The following TCERG1L variants were observed in gnomAD, a reference collection of about 807,000 sequenced individuals.
TCERG1L encodes the protein transcription elongation regulator 1 like, also known as transcription elongation regulator 1-like protein.
In TCERG1L, 37 loss-of-function variants were observed where a neutral mutation model predicts 56.3. The ratio of observed to expected loss-of-function variants is 0.66; its 90% CI spans 0.51 to 0.87. The LOEUF (loss-of-function observed/expected upper bound fraction) is 0.87, where lower values mean the gene tolerates loss of function less well. Ranked by LOEUF, TCERG1L falls within the 40% of genes least tolerant of loss-of-function variation. TCERG1L has a pLI of 0.00. For missense variants in TCERG1L, 799 were observed against 774.2 expected, an observed-to-expected ratio of 1.03 and a Z score of -0.38; for synonymous variants, 324 against 326.3, an observed-to-expected ratio of 0.99 and a Z score of 0.08.
rs1041935665 is a variant in TCERG1L, at chr10:131,136,043, C to T, written c.1190-1595G>A. 2.0e-5 allele frequency among the ~76,000 whole-genome samples: 3 copies of T among 152,184 alleles called. No individual in the cohort carries two copies. In the East Asian group the frequency reaches 5.8e-4, roughly 29 times the overall value. On this transcript the variant is annotated intron_variant, in intron 7 of 11. Transcript: ENST00000368642. ...CGTCTCTCAGCCTCCTTGATCCCTG[C>T]CCCCTCCCCACCATGCTAACGAAAA...
chr10:131,161,524 C>G (rs1442757485), intron 6 of TCERG1L: 2 of 152,186 alleles, frequency 1.3e-5, no homozygotes, highest in African/African-American at 4.8e-5. Context: ...AGTCCCTGAC[C>G]TGGTAGGAAT....
intron 3 of TCERG1L, among the ~76,000 whole-genome samples, chr10:131,298,657 G>A (rs1328362661): frequency 6.6e-6 from 1 of 152,186 alleles, no homozygotes; most frequent in East Asian, 1.9e-4. Context: ...CAGGTGATCT[G>A]CCCAGCTCGG....
At chr10:131,097,303 TAC>T (rs1197525905) in intron 11 of TCERG1L, among the ~76,000 whole-genome samples, 5 of 152,066 alleles carry the variant, frequency 3.3e-5, no homozygotes, top group East Asian at 3.9e-4. Context: ...TTACGAAACT[TAC>T]AGTTTTATAG....
At chr10:131,171,558 T>C (rs1035222883) in intron 4 of TCERG1L, among the ~76,000 whole-genome samples, 6 of 152,194 alleles carry the variant, frequency 3.9e-5, no homozygotes, top group South Asian at 2.1e-4. Flanking sequence ...GCTTCTTACA[T>C]TGAATGAAGT....
chr10:131,268,339 G>A (rs1317872863), intron 3 of TCERG1L, among the ~76,000 whole-genome samples: 1 of 152,236 alleles, frequency 6.6e-6, no homozygotes, highest in Non-Finnish European at 1.5e-5. Flanking sequence ...AACCATGCTA[G>A]AAACAGATGT....
intron 3 of TCERG1L, among the ~76,000 whole-genome samples, chr10:131,282,636 C>T (rs1589771419): frequency 6.6e-6 from 1 of 150,774 alleles, no homozygotes; most frequent in African/African-American, 2.5e-5. Flanking sequence ...TTGTTCACAC[C>T]TCTATCCCCC....
rs541985395 is a variant in TCERG1L at position 131,294,138 on chromosome 10, G to GA, written c.670+14072dup. ...TATCCCTGTTTTCACACTGTGGGAA[G>GA]AAAAAAAACAAAGGAAACTGTATAT... On this transcript the variant is annotated intron_variant, in intron 3 of 11. Transcript: ENST00000368642. 6.7e-3 allele frequency among the ~76,000 whole-genome samples: 1,015 copies of GA among 151,790 alleles called. 9 individuals are homozygous for GA. Among genetic ancestry groups the GA allele is most frequent in the African/African-American group, 0.023 (954 of 41,404 alleles).
chr10:131,263,817 G>T (rs373058157), intron 3 of TCERG1L, among the ~76,000 whole-genome samples: 18 of 152,190 alleles, frequency 1.2e-4, no homozygotes, highest in Non-Finnish European at 1.5e-5. Context: ...TCTCCCCTTA[G>T]GATCTCTGTT....
At chr10:131,097,563 G>T (rs1845262765) in intron 11 of TCERG1L, among the ~76,000 whole-genome samples, 2 of 152,134 alleles carry the variant, frequency 1.3e-5, no homozygotes, top group Admixed American at 6.5e-5. Context: ...TAGCCAGGAT[G>T]GTCTCGATCT....
intron 8 of TCERG1L, among the ~76,000 whole-genome samples, chr10:131,122,665 G>A (rs1243929199): frequency 6.6e-6 from 1 of 152,202 alleles, no homozygotes; most frequent in Non-Finnish European, 1.5e-5. Flanking sequence ...GTAATCGTAA[G>A]CATATCACTT....
chr10:131,260,326 G>A lies in TCERG1L; in HGVS notation c.789C>T (p.Ser263=), dbSNP rs758437799. The A allele has an allele frequency of 8.9e-6, 13 of 1,459,894 alleles. No homozygotes were observed. The highest frequency in any genetic ancestry group is 5.5e-5 in the East Asian group (2 of 36,240). 90.4% of individuals were successfully genotyped at this position (1,459,894 alleles called of 1,614,324 possible). A position where few individuals can be genotyped will look rare whatever the true frequency, so the allele number is the denominator to read the frequency against. The change falls in exon 4 of 12, where the codon AGC becomes AGT. Residue 263 remains serine (S), a synonymous_variant. Coordinates refer to ENST00000368642, the MANE Select transcript of TCERG1L (RefSeq NM_174937.4). The surrounding 1 kb of genome is among the most constrained non-coding windows in gnomAD (Gnocchi z 5.8). ...AGGTCAGGAAGTGGCGCGGCTGCAC[G>A]CTGGAGGGGGACGGGCCCCGGAGGT... The part of the protein sequence containing the change: ...PENLRGPSPS[S]VQPRHFLTLA...
intron 6 of TCERG1L, among the ~76,000 whole-genome samples, chr10:131,151,363 TG>T (rs1290208554): frequency 1.3e-5 from 2 of 151,256 alleles, no homozygotes; most frequent in Non-Finnish European, 2.9e-5. Context: ...CCATACTAAA[TG>T]GGAGAAATTG....
At chr10:131,128,265 G>A (rs1161460872) in intron 8 of TCERG1L, among the ~76,000 whole-genome samples, 3 of 152,164 alleles carry the variant, frequency 2.0e-5, no homozygotes, top group Non-Finnish European at 2.9e-5. Flanking sequence ...AGAGCATAAT[G>A]ACGAAGCGTC....
intron 3 of TCERG1L, among the ~76,000 whole-genome samples, chr10:131,266,808 A>G (rs997947356): frequency 2.0e-5 from 3 of 152,078 alleles, no homozygotes; most frequent in Non-Finnish European, 4.4e-5. Flanking sequence ...GGTCGTCCCT[A>G]CATCTGCTGC....
chr10:131,136,305 T>G (rs1164655491), intron 7 of TCERG1L, among the ~76,000 whole-genome samples: 14 of 152,208 alleles, frequency 9.2e-5, no homozygotes. Flanking sequence ...CTTCCCAAGC[T>G]TCACTCGTGC....
intron 4 of TCERG1L, among the ~76,000 whole-genome samples, chr10:131,209,881 A>G (rs1288443594): frequency 1.3e-5 from 2 of 152,200 alleles, no homozygotes; most frequent in Admixed American, 6.5e-5. Context: ...TTACTTTTTA[A>G]TATATCAGAA....
At chr10:131,244,536 T>A (rs1183864911) in intron 4 of TCERG1L, among the ~76,000 whole-genome samples, 1 of 151,980 alleles carries the variant, frequency 6.6e-6, no homozygotes, top group Admixed American at 6.5e-5. Context: ...CCCCCATGGT[T>A]GAGGTGGAGG....
intron 6 of TCERG1L, among the ~76,000 whole-genome samples, chr10:131,147,147 A>G (rs1195833260): frequency 6.6e-6 from 1 of 152,326 alleles, no homozygotes; most frequent in South Asian, 2.1e-4. Flanking sequence ...CAGCAGAATT[A>G]AAAGGGCTGC....
intron 7 of TCERG1L, among the ~76,000 whole-genome samples, chr10:131,136,255 T>G (rs1845674171): frequency 6.6e-6 from 1 of 152,170 alleles, no homozygotes; most frequent in African/African-American, 2.4e-5. Flanking sequence ...AACACAGCCC[T>G]CCAGGCTGGG....
Sources: allele counts gnomAD v4.1 joint callset (sites outside exome capture counted in the v4.1 genomes callset), GRCh38; gene constraint gnomAD v4.1.1; non-coding constraint Gnocchi (gnomAD v3.1); transcripts MANE v1.5; gene names NCBI Gene and HGNC (gene_info 2026-07-23, HGNC 2026-07-21).